The following SEMA4C variants were observed in gnomAD, a reference collection of about 807,000 sequenced individuals.
SEMA4C encodes the protein semaphorin 4C, also known as semaphorin-4C.
In SEMA4C, 19 loss-of-function variants were observed where a neutral mutation model predicts 89.0. The ratio of observed to expected loss-of-function variants is 0.21; its 90% confidence interval spans 0.15 to 0.31. SEMA4C has a LOEUF of 0.31. SEMA4C is among the 10% of genes least tolerant of loss of function. The pLI is 1.00. For synonymous variants in SEMA4C, 428 were observed against 472.7 expected (o/e 0.91, Z 1.23); for missense variants, 811 against 1,107.0 (o/e 0.73, Z 3.79).
upstream of SEMA4C, chr2:96,870,763 C>G (rs115823323): frequency 9.3e-4 from 914 of 985,440 alleles, 6 homozygotes; most frequent in African/African-American, 0.015. Context: ...CCCTACTGTT[C>G]AGATGAAAGG....
chr2:96,869,949 C>T lies in SEMA4C; in HGVS notation c.-111G>A. The T allele has an allele frequency of 1.1e-5, 11 of 987,030 alleles. No homozygotes were observed. The highest frequency in any genetic ancestry group is 3.5e-5 in the African/African-American group (2 of 57,334). The allele number at this position is 987,030 out of a possible 1,614,324, so 61.1% of individuals were successfully genotyped here. On this transcript the variant is annotated 5_prime_UTR_variant, in exon 1 of 15. Transcript: ENST00000305476. Reference sequence around the variant, plus strand: ...TGACCGCCGTCCACCCCTGCCCCCGCGTCGCCGCCTGCCCGCGCTCGCCCG... The same window carrying T: ...TGACCGCCGTCCACCCCTGCCCCCGTGTCGCCGCCTGCCCGCGCTCGCCCG...
Position 96,867,044 on chromosome 2 carries a change from A to G in SEMA4C, c.110-613T>C, listed in dbSNP as rs1324710825. The stretch of plus-strand genomic sequence containing the variant: ...GCGGAGATGGGGCTGGGGCCTGGGA[A>G]GTCTTGCTGCCACCCGGCATGCAGG... On this transcript the variant is annotated intron_variant, in intron 2 of 14. Transcript: ENST00000305476. 3.0e-5 allele frequency: 6 copies of G among 202,636 alleles called. No homozygotes were observed. In the East Asian group the frequency reaches 8.0e-4, roughly 27 times the overall value. The allele number at this position is 202,636 out of a possible 1,614,324, so 12.6% of individuals were successfully genotyped here. A position where few individuals can be genotyped will look rare whatever the true frequency, so the allele number is the denominator to read the frequency against.
rs2080171351 is a variant in SEMA4C at position 96,870,062 on chromosome 2, G to A, written c.-224C>T. On this transcript the variant is annotated 5_prime_UTR_variant, in exon 1 of 15. Coordinates refer to ENST00000305476, the MANE Select transcript of SEMA4C (RefSeq NM_017789.5). ...CTCGGGCTCCCCGCGCCACCACGGC[G>A]GGCGCCGGCTCTTTCTCCAGCGCGG... 3.1e-6 allele frequency: 3 copies of A among 977,896 alleles called. No individual in the cohort carries two copies. Among genetic ancestry groups the A allele is most frequent in the Non-Finnish European group, 3.6e-6 (3 of 823,012 alleles). 60.6% of individuals were successfully genotyped at this position (977,896 alleles called of 1,614,324 possible).
intron 2 of SEMA4C, among the ~76,000 whole-genome samples, chr2:96,867,285 C>T (rs547641670): frequency 1.3e-5 from 2 of 152,320 alleles, no homozygotes; most frequent in South Asian, 4.1e-4. Flanking sequence ...GATACAAACA[C>T]CTGACATCAC....
chr2:96,860,895 T>C lies in SEMA4C; in HGVS notation c.2233A>G (p.Ile745Val). Reference sequence around the variant, plus strand: ...TGGCACCGGGCATGCCCAGGTACTATCTTAAGGGAGCCATCTGAATAGTAG... The same window carrying C: ...TGGCACCGGGCATGCCCAGGTACTACCTTAAGGGAGCCATCTGAATAGTAG... The part of the protein sequence containing the change: ...GYYYSDGSLK[I>V]VPGHARCQPG... Residue 745 changes from isoleucine to valine, a missense_variant, in exon 15 of 15, where the codon ATA becomes GTA. By Grantham distance (29) the Ile-to-Val change is conservative. Around this residue, in one of 4 missense-constraint regions of SEMA4C, gnomAD observed 248 missense variants for 269.0 expected, o/e 0.92. Transcript: ENST00000305476. 1 of 1,613,150 alleles carries C rather than the reference T, an allele frequency of 6.2e-7. No homozygotes were observed. Among genetic ancestry groups the C allele is most frequent in the Non-Finnish European group, 8.5e-7 (1 of 1,180,018 alleles).
At chr2:96,865,359 A>T (rs1470435481) in intron 6 of SEMA4C, 39 bp from the exon 7 acceptor site, 2 of 1,611,510 alleles carry the variant, frequency 1.2e-6, no homozygotes, top group Non-Finnish European at 1.7e-6. Context: ...CACATGAGGT[A>T]TGGACACATC....
In SEMA4C at chr2:96,860,655, C is replaced by T. The variant is rs146332513; in HGVS notation, c.2473G>A (p.Asp825Asn). ...RKLQQRQPLP[D>N]SNPEESSV ...ACTGATGACTCCTCGGGGTTGGAGTCGGGCAGTGGCTGGCGTTGCTGCAGT... is the reference window on the plus strand; with the variant it reads ...ACTGATGACTCCTCGGGGTTGGAGTTGGGCAGTGGCTGGCGTTGCTGCAGT... Residue 825 changes from aspartate (D) to asparagine (N), a missense_variant, in exon 15 of 15, where the codon GAC (aspartate) becomes AAC (asparagine). By Grantham distance (23) the Asp-to-Asn change is conservative. This residue lies in a region of SEMA4C where 248 missense variants were observed against 269.0 expected (regional missense o/e 0.92). Coordinates refer to ENST00000305476, the MANE Select transcript of SEMA4C (RefSeq NM_017789.5). The T allele has an allele frequency of 4.4e-5, 71 of 1,611,596 alleles. No individual in the cohort carries two copies. Among genetic ancestry groups the T allele is most frequent in the Middle Eastern group, 1.6e-4 (1 of 6,072 alleles).
intron 1 of SEMA4C, chr2:96,869,487 C>G: frequency 1.0e-6 from 1 of 985,210 alleles, no homozygotes; most frequent in Non-Finnish European, 1.2e-6. Context: ...GGCGGGGGGC[C>G]GCGGCAGGGA....
At position 96,861,544 on chromosome 2, in the gene SEMA4C, G is replaced by A. The variant is rs754626283; in HGVS notation, c.1672+35C>T. 27 of 1,603,732 alleles carry A rather than the reference G, an allele frequency of 1.7e-5. No individual in the cohort carries two copies. Among genetic ancestry groups the A allele is most frequent in the Non-Finnish European group, 2.2e-5 (26 of 1,172,242 alleles). ...ACAGAAACTCCAGCTCTGGTCCAGG[G>A]CTCAGCCCGATGCGACGGGAATGAA... On this transcript the variant is annotated intron_variant, in intron 14 of 14. Coordinates refer to ENST00000305476, the MANE Select transcript of SEMA4C (RefSeq NM_017789.5). This position sits in a 1 kb window ranked among gnomAD's most constrained non-coding sequence, Gnocchi z 7.8.
chr2:96,864,811 A>G lies in SEMA4C; in HGVS notation c.856T>C (p.Ser286Pro), dbSNP rs772544739. The change falls in exon 9 of 15, where the codon TCT (serine) becomes CCT (proline). Residue 286 changes from serine (S) to proline (P), a missense_variant. Physicochemically the swap from Ser to Pro is moderately conservative, Grantham distance 74. Around this residue, in one of 4 missense-constraint regions of SEMA4C, gnomAD observed 441 missense variants for 664.9 expected, o/e 0.66. Coordinates refer to ENST00000305476, the MANE Select transcript of SEMA4C (RefSeq NM_017789.5). The surrounding 1 kb of genome is among the most constrained non-coding windows in gnomAD (Gnocchi z 6.3). ...TTFLKARLAC[S>P]APNWQLYFNQ... is the part of the protein sequence containing the mutation. ...AAGTAGAGCTGCCAGTTCGGGGCAG[A>G]GCATGCCAGCCGCGCCTTCAGGAAC... 6.2e-7 allele frequency: 1 copy of G among 1,613,856 alleles called. No individual in the cohort carries two copies. Among genetic ancestry groups the G allele is most frequent in the East Asian group, 2.2e-5 (1 of 44,882 alleles).
chr2:96,867,882 G>T lies in SEMA4C; in HGVS notation c.5C>A (p.Ala2Asp), dbSNP rs2080117445. 1 of 1,613,426 alleles carries T rather than the reference G, an allele frequency of 6.2e-7. No individual in the cohort carries two copies. The highest frequency in any genetic ancestry group is 1.3e-5 in the African/African-American group (1 of 74,944). ...CAGCAGCCAGACAGCCCAGTGTGGGGCCATGGCGCACGCCCCGGCTCTGAG... is the reference window on the plus strand; with the variant it reads ...CAGCAGCCAGACAGCCCAGTGTGGGTCCATGGCGCACGCCCCGGCTCTGAG... MAPHWAVWLLAA... is the reference protein window; with the variant it reads MDPHWAVWLLAA... The change falls in exon 2 of 15, where the codon GCC (alanine) becomes GAC (aspartate). Residue 2 changes from alanine (A) to aspartate (D), a missense_variant. Ala to Asp is a moderately radical substitution (Grantham distance 126). This residue lies in a region of SEMA4C where 119 missense variants were observed against 152.7 expected (regional missense o/e 0.78). Transcript: ENST00000305476.
Position 96,867,777 on chromosome 2 carries a change from C to G in SEMA4C, c.109+1G>C. On this transcript the variant is annotated splice_donor_variant, in intron 2 of 14. Transcript: ENST00000305476. LOFTEE classifies it high-confidence loss of function. ...TCCTCCTCACCCCTCCAGGCACTCA[C>G]CCCCAGAAGACACTGTCTTACGCGG... is the stretch of plus-strand genomic sequence containing the variant. The G allele has an allele frequency of 6.2e-7, 1 of 1,613,278 alleles. No individual in the cohort carries two copies. The highest frequency in any genetic ancestry group is 8.5e-7 in the Non-Finnish European group (1 of 1,179,692).
Position 96,869,975 on chromosome 2 carries a change from C to A in SEMA4C, c.-137G>T, listed in dbSNP as rs1031224762. 4.8e-5 allele frequency: 47 copies of A among 986,666 alleles called. 1 individual carries two copies. In the South Asian group the frequency reaches 1.7e-3, roughly 36 times the overall value. The allele number at this position is 986,666 out of a possible 1,614,324, so 61.1% of individuals were successfully genotyped here. ...GTCGCCGCCTGCCCGCGCTCGCCCG[C>A]CAGCCCTCCGCGGCCTCTCTGCCAC... On this transcript the variant is annotated 5_prime_UTR_variant, in exon 1 of 15. Coordinates refer to ENST00000305476, the MANE Select transcript of SEMA4C (RefSeq NM_017789.5).
chr2:96,868,461 C>G (rs2153365720), intron 1 of SEMA4C: 1 of 995,692 alleles, frequency 1.0e-6, no homozygotes. Flanking sequence ...CGGCCTGTCC[C>G]CTTCCCCAGC....
intron 2 of SEMA4C, 111 bp downstream of exon 2, chr2:96,867,667 C>G: frequency 8.7e-7 from 1 of 1,149,492 alleles, no homozygotes; most frequent in Non-Finnish European, 1.3e-6. Flanking sequence ...TCTTCCAACT[C>G]GAGTTTCTTA....
At chr2:96,865,159 G>C (rs747817805) in intron 7 of SEMA4C, 44 bp from the exon 8 acceptor site, 31 of 1,604,682 alleles carry the variant, frequency 1.9e-5, no homozygotes, top group Non-Finnish European at 2.6e-5. Context: ...CTGGGCCCCG[G>C]GGGACCTCCC....
chr2:96,869,203 A>C (rs2080151740), intron 1 of SEMA4C: 1 of 985,152 alleles, frequency 1.0e-6, no homozygotes, highest in African/African-American at 1.7e-5. Context: ...ATCGGGCCGC[A>C]CCCCGTGGCG....
In SEMA4C at chr2:96,861,442, G is replaced by C. The variant is rs1313053221; in HGVS notation, c.1686C>G (p.Pro562=). The C allele has an allele frequency of 1.2e-6, 2 of 1,612,670 alleles. No homozygotes were observed. Among genetic ancestry groups the C allele is most frequent in the Non-Finnish European group, 1.7e-6 (2 of 1,179,988 alleles). ...LRGSKKVRPT[P]KNITVVAGTD... ...TGCCCGCCACCACCGTGATGTTTTTGGGAGTGGGCCTGACTGTAGTGGCAG... is the reference window on the plus strand; with the variant it reads ...TGCCCGCCACCACCGTGATGTTTTTCGGAGTGGGCCTGACTGTAGTGGCAG... The change falls in exon 15 of 15, where the codon CCC becomes CCG. Residue 562 remains proline (P), a synonymous_variant. Coordinates refer to ENST00000305476, the MANE Select transcript of SEMA4C (RefSeq NM_017789.5). This position sits in a 1 kb window ranked among gnomAD's most constrained non-coding sequence, Gnocchi z 7.8.
At chr2:96,865,990 G>A (rs2080061452) in intron 3 of SEMA4C, 61 bp from the exon 4 acceptor site, 3 of 1,536,138 alleles carry the variant, frequency 2.0e-6, no homozygotes, top group South Asian at 1.1e-5. Flanking sequence ...CGTGTCACAA[G>A]CACAGCCTGC....
Sources: gnomAD v4.1 joint callset for allele counts (sites outside exome capture counted in the v4.1 genomes callset) on GRCh38, gnomAD v4.1.1 for gene constraint, gnomAD v4.1.1 regional missense constraint, Gnocchi (gnomAD v3.1) non-coding constraint, MANE v1.5 for transcripts, NCBI Gene and HGNC (gene_info 2026-07-23, HGNC 2026-07-21) for gene names.